NAV2: variants seen among roughly 807,000 people sequenced by gnomAD.
NAV2 encodes the protein neuron navigator 2, also known as helicase, APC down-regulated 1.
Under a neutral mutation model 223.2 loss-of-function variants are expected in NAV2, and 54 were observed. That is an observed-to-expected ratio of 0.24 (90% confidence interval 0.19 to 0.30). The LOEUF is 0.30. Among genes scored for constraint, NAV2 ranks in the 10% least tolerant of loss-of-function variants. The pLI, the probability that NAV2 is intolerant of heterozygous loss-of-function variation, is 1.00. For missense variants in NAV2, 2,806 were observed against 3,147.5 expected (o/e 0.89, Z 2.60); for synonymous variants, 1,279 against 1,239.3 (o/e 1.03, Z -0.67).
intron 1 of NAV2, among the ~76,000 whole-genome samples, chr11:19,522,534 T>G (rs1425787456): frequency 6.6e-6 from 1 of 152,042 alleles, no homozygotes; most frequent in African/African-American, 2.4e-5. Context: ...GTATCCAGAG[T>G]GCCCCTGGCC....
intron 11 of NAV2, among the ~76,000 whole-genome samples, chr11:20,028,944 C>T (rs2055393523): frequency 1.3e-5 from 2 of 152,072 alleles, no homozygotes. Context: ...TGAAAGGCTC[C>T]CATGGGGATT....
intron 1 of NAV2, among the ~76,000 whole-genome samples, chr11:19,385,894 T>G (rs1335510291): frequency 1.3e-5 from 2 of 151,824 alleles, no homozygotes; most frequent in Non-Finnish European, 2.9e-5. Context: ...CCCGAGTAGC[T>G]GGGACTACAG....
intron 1 of NAV2, among the ~76,000 whole-genome samples, chr11:19,364,854 CA>C (rs1199382247): frequency 6.6e-6 from 1 of 152,164 alleles, no homozygotes; most frequent in African/African-American, 2.4e-5. Flanking sequence ...GAGAACTTTA[CA>C]AAAAACTGTC....
chr11:20,078,709 C>T (rs762717376), intron 24 of NAV2, among the ~76,000 whole-genome samples: 31 of 152,180 alleles, frequency 2.0e-4, no homozygotes, highest in Non-Finnish European at 2.8e-4. Flanking sequence ...CCGCTCACCT[C>T]GGCCTCCGAA....
At chr11:19,549,665 G>A (rs572050222) in intron 1 of NAV2, among the ~76,000 whole-genome samples, 7 of 152,224 alleles carry the variant, frequency 4.6e-5, no homozygotes, top group Non-Finnish European at 8.8e-5. Flanking sequence ...GGGTGAGGGG[G>A]CTCCTGCAGC....
chr11:20,087,735 A>C (rs544057348), intron 26 of NAV2, among the ~76,000 whole-genome samples: 2 of 152,306 alleles, frequency 1.3e-5, no homozygotes, highest in South Asian at 4.2e-4. Context: ...GTTCAGGAAC[A>C]CAGGCTCTAG....
rs573766542 is a variant in NAV2 at position 19,537,670 on chromosome 11, C to T, written c.75+186643C>T. On this transcript the variant is annotated intron_variant, in intron 1 of 37. Transcript: ENST00000360655. ...CTTAAGTGTATTCTAGATATGGTCG[C>T]CTTTACTATCCACTTCCAGACTGGC... Among the ~76,000 whole-genome samples, 30 of 152,314 alleles carry T rather than the reference C, an allele frequency of 2.0e-4. 1 individual carries two copies. The highest frequency in any genetic ancestry group is 6.5e-4 in the African/African-American group (27 of 41,566).
intron 1 of NAV2, among the ~76,000 whole-genome samples, chr11:19,627,668 A>T (rs2047209622): frequency 6.6e-6 from 1 of 152,130 alleles, no homozygotes; most frequent in Non-Finnish European, 1.5e-5. Flanking sequence ...GCCCAGCTCC[A>T]GGGCTTCTTA....
intron 1 of NAV2, among the ~76,000 whole-genome samples, chr11:19,373,844 A>G (rs1156318286): frequency 1.3e-5 from 2 of 152,220 alleles, no homozygotes; most frequent in Non-Finnish European, 2.9e-5. Context: ...GAAAGAAAAT[A>G]TGACAGGTAG....
At chr11:19,656,181 A>C (rs1364925889) in intron 1 of NAV2, among the ~76,000 whole-genome samples, 1 of 152,210 alleles carries the variant, frequency 6.6e-6, no homozygotes, top group African/African-American at 2.4e-5. Flanking sequence ...AGAAATGACA[A>C]AATGCAGAGC....
rs973252013 is a variant in NAV2, at chr11:19,998,012, A to G, written c.2768+13765A>G. On this transcript the variant is annotated intron_variant, in intron 11 of 37. Coordinates refer to ENST00000349880, the MANE Select transcript of NAV2 (RefSeq NM_145117.5). The surrounding 1 kb of genome is among the most constrained non-coding windows in gnomAD (Gnocchi z 5.0). ...CCTTTGGAACAATAAGCTCCTAGGT[A>G]TGGTCTCCCCCAAGACTGAGAGGAA... Among the ~76,000 whole-genome samples the G allele has an allele frequency of 6.6e-6, 1 of 152,070 alleles. No individual in the cohort carries two copies. The highest frequency in any genetic ancestry group is 2.4e-5 in the African/African-American group (1 of 41,394).
chr11:19,490,299 C>G (rs1275863738), intron 1 of NAV2, among the ~76,000 whole-genome samples: 1 of 152,172 alleles, frequency 6.6e-6, no homozygotes, highest in Non-Finnish European at 1.5e-5. Flanking sequence ...TGGACTCTTC[C>G]TTTCACAAAA....
chr11:19,849,902 CGTCT>C (rs1182824531), intron 3 of NAV2, among the ~76,000 whole-genome samples: 8 of 152,284 alleles, frequency 5.3e-5, no homozygotes, highest in African/African-American at 9.6e-5. Context: ...ACAACCTCCA[CGTCT>C]GTCTGTCTCT....
rs1402568020 is a variant in NAV2, at chr11:20,100,983, T to C, written c.6228T>C (p.Ile2076=). 3 of 1,613,944 alleles carry C rather than the reference T, an allele frequency of 1.9e-6. No individual in the cohort carries two copies. The highest frequency in any genetic ancestry group is 2.7e-5 in the African/African-American group (2 of 74,868). Residue 2076 remains isoleucine, a synonymous_variant, in exon 32 of 38, where the codon ATT becomes ATC. Transcript: ENST00000349880. Reference sequence around the variant, plus strand: ...ACTCACTGGTGTTTGAGTCCTTGATTCCCAAGCCCATCCTGCAGCGCTACG... The same window carrying C: ...ACTCACTGGTGTTTGAGTCCTTGATCCCCAAGCCCATCCTGCAGCGCTACG... ...SLDSLVFESL[I]PKPILQRYVS... is the part of the protein sequence containing the mutation.
intron 1 of NAV2, among the ~76,000 whole-genome samples, chr11:19,404,672 G>T (rs551554276): frequency 6.6e-6 from 1 of 151,930 alleles, no homozygotes; most frequent in Non-Finnish European, 1.5e-5. Context: ...TTGTAAATGC[G>T]CCTCTGTGCC....
intron 1 of NAV2, among the ~76,000 whole-genome samples, chr11:19,597,781 G>C (rs984234954): frequency 7.9e-5 from 12 of 152,358 alleles, no homozygotes; most frequent in African/African-American, 2.9e-4. Flanking sequence ...GAGGTGGGGA[G>C]GATCGGGGAT....
Position 19,911,373 on chromosome 11 carries a change from C to T in NAV2, c.931+18779C>T, listed in dbSNP as rs117316886. 1.0e-3 allele frequency among the ~76,000 whole-genome samples: 155 copies of T among 152,248 alleles called. No individual in the cohort carries two copies. The East Asian group carries it at 0.024, about 24-fold the overall frequency. On this transcript the variant is annotated intron_variant, in intron 6 of 37. Coordinates refer to ENST00000349880, the MANE Select transcript of NAV2 (RefSeq NM_145117.5). The stretch of plus-strand genomic sequence containing the variant: ...GGAAAGCGTATTCTAGACAGAACAG[C>T]GTGTCCAAAGTCTAGATGGTAAAAG...
chr11:19,666,058 A>T (rs946352385), intron 1 of NAV2, among the ~76,000 whole-genome samples: 1 of 152,190 alleles, frequency 6.6e-6, no homozygotes, highest in African/African-American at 2.4e-5. Flanking sequence ...TGCAAGTAAG[A>T]TATTATAAAT....
intron 10 of NAV2, among the ~76,000 whole-genome samples, chr11:19,959,454 C>T (rs543147669): frequency 6.6e-6 from 1 of 152,322 alleles, no homozygotes; most frequent in African/African-American, 2.4e-5. Context: ...TAAGTTCTCA[C>T]TTTCACATTC....
Sources: allele counts gnomAD v4.1 joint callset (sites outside exome capture counted in the v4.1 genomes callset), GRCh38; gene constraint gnomAD v4.1.1; non-coding constraint Gnocchi (gnomAD v3.1); transcripts MANE v1.5; gene names NCBI Gene and HGNC (gene_info 2026-07-23, HGNC 2026-07-21).